SLC35E4: variants seen among roughly 807,000 people sequenced by gnomAD.
SLC35E4 encodes the protein solute carrier family 35 member E4.
In SLC35E4, 15 loss-of-function variants were observed where a neutral mutation model predicts 19.3. The observed-to-expected ratio is 0.78, with a 90% CI of 0.52 to 1.20. SLC35E4 has a LOEUF of 1.20. Among genes scored for constraint, SLC35E4 ranks in the 50% most tolerant of loss-of-function variants. The probability of loss-of-function intolerance (pLI) is 0.00; values close to 1 mark genes in which losing one functional copy is unlikely to be tolerated. For missense variants in SLC35E4, 406 were observed against 472.3 expected, an observed-to-expected ratio of 0.86 and a Z score of 1.30; for synonymous variants, 219 against 219.9, an observed-to-expected ratio of 1.00 and a Z score of 0.04.
chr22:30,646,707 T>C lies in SLC35E4; in HGVS notation c.729T>C (p.Val243=), dbSNP rs762280971. ...AGAALVLEAG[V]APPPTAGDSR... ...CAGCCCTGGTGCTGGAGGCTGGCGT[T>C]GCCCCACCGCCCACTGCTGGCGACT... The change falls in exon 2 of 2, where the codon GTT becomes GTC. Residue 243 remains valine (V), a synonymous_variant. Coordinates refer to ENST00000343605, the MANE Select transcript of SLC35E4 (RefSeq NM_001001479.4). 1.2e-6 allele frequency: 2 copies of C among 1,612,522 alleles called. No individual in the cohort carries two copies. Among genetic ancestry groups the C allele is most frequent in the African/African-American group, 2.7e-5 (2 of 74,940 alleles).
At chr22:30,663,682 C>T (rs757467853), downstream of SLC35E4, 5 of 1,614,116 alleles carry the variant, frequency 3.1e-6, no homozygotes, top group East Asian at 2.2e-5. Flanking sequence ...GAGCGGCTCA[C>T]ACCAGCAGCA....
At chr22:30,666,646 A>AAAAAAAT (rs2088682028), downstream of SLC35E4, among the ~76,000 whole-genome samples, 1 of 142,340 alleles carries the variant, frequency 7.0e-6, no homozygotes, top group Non-Finnish European at 1.6e-5. Context: ...AAAAAAAAAA[A>AAAAAAAT]GCAATCTCTA....
intron 2 of SLC35E4, among the ~76,000 whole-genome samples, chr22:30,655,248 G>C (rs1320014110): frequency 6.6e-6 from 1 of 150,428 alleles, no homozygotes; most frequent in Non-Finnish European, 1.5e-5. Context: ...TAGAGCCCAG[G>C]AGTTCCAGAC....
chr22:30,655,075 C>T (rs2088307483), intron 2 of SLC35E4, among the ~76,000 whole-genome samples: 1 of 152,040 alleles, frequency 6.6e-6, no homozygotes, highest in Non-Finnish European at 1.5e-5. Context: ...TTCTCTGCTC[C>T]CTACACTGCT....
At chr22:30,659,941 A>G (rs907506791) in intron 2 of SLC35E4, among the ~76,000 whole-genome samples, 1 of 152,248 alleles carries the variant, frequency 6.6e-6, no homozygotes, top group South Asian at 2.1e-4. Flanking sequence ...GGGCACACGT[A>G]GAAAGCACCA....
chr22:30,663,904 C>A, downstream of SLC35E4: 1 of 1,614,200 alleles, frequency 6.2e-7, no homozygotes, highest in Non-Finnish European at 8.5e-7. Context: ...TTGTTGGCGG[C>A]CACACCATTG....
Position 30,646,653 on chromosome 22 carries a change from G to T in SLC35E4, c.675G>T (p.Ser225=), listed in dbSNP as rs1246702274. 6.2e-7 allele frequency: 1 copy of T among 1,612,120 alleles called. No individual in the cohort carries two copies. ...CGGTGACCCTGCTTTACGCCACCTC[G>T]CTGCCCAGCTTCTGCCTGCTGGCGG... ...LDAVTLLYAT[S]LPSFCLLAGA... Residue 225 remains serine, a synonymous_variant, in exon 2 of 2, where the codon TCG becomes TCT. Coordinates refer to ENST00000343605, the MANE Select transcript of SLC35E4 (RefSeq NM_001001479.4).
intron 2 of SLC35E4, among the ~76,000 whole-genome samples, chr22:30,658,524 T>G (rs550995420): frequency 1.0e-3 from 152 of 152,170 alleles, no homozygotes; most frequent in African/African-American, 3.5e-3. Flanking sequence ...GTTGCCTTTT[T>G]TCTCTCTTCA....
intron 2 of SLC35E4, among the ~76,000 whole-genome samples, chr22:30,657,902 T>C (rs2088374751): frequency 8.5e-6 from 1 of 118,056 alleles, no homozygotes; most frequent in Non-Finnish European, 1.7e-5. Context: ...AGACTCTGTC[T>C]CAAAAATAAT....
chr22:30,659,011 C>T (rs947566502), intron 2 of SLC35E4, among the ~76,000 whole-genome samples: 2 of 151,256 alleles, frequency 1.3e-5, no homozygotes, highest in South Asian at 2.1e-4. Context: ...GTAGTCCCAG[C>T]TATTCGGGAG....
chr22:30,667,631 G>C (rs1055418624), downstream of SLC35E4: 1 of 152,656 alleles, frequency 6.6e-6, no homozygotes, highest in African/African-American at 2.4e-5. Flanking sequence ...GGAATAGCCT[G>C]TGCCGGGTCT....
chr22:30,642,726 T>A (rs1312221782), intron 1 of SLC35E4, among the ~76,000 whole-genome samples: 1 of 67,254 alleles, frequency 1.5e-5, no homozygotes, highest in African/African-American at 5.2e-5. Context: ...CTGGGCAACA[T>A]CTCAAAAAAA....
chr22:30,663,551 G>A (rs2088547471), downstream of SLC35E4: 7 of 1,614,238 alleles, frequency 4.3e-6, no homozygotes, highest in Non-Finnish European at 5.9e-6. Flanking sequence ...CATAGTGGAT[G>A]AGCTGCTCCC....
chr22:30,642,098 A>G (rs551346825), intron 1 of SLC35E4, among the ~76,000 whole-genome samples: 22 of 151,742 alleles, frequency 1.4e-4, no homozygotes, highest in African/African-American at 5.3e-4. Flanking sequence ...TGCGGCCTCA[A>G]TTTCCCAGGC....
intron 1 of SLC35E4, among the ~76,000 whole-genome samples, chr22:30,643,897 C>T (rs930492435): frequency 2.0e-5 from 3 of 152,140 alleles, no homozygotes; most frequent in African/African-American, 7.2e-5. Context: ...TTGGGGTCCC[C>T]AGGTAGAAGC....
chr22:30,663,036 T>G (rs2088521471), exon 3 of SLC35E4: 1 of 179,208 alleles, frequency 5.6e-6, no homozygotes, highest in Non-Finnish European at 1.2e-5. Context: ...AGAGGTACCA[T>G]GATGCTTAAG....
downstream of SLC35E4, chr22:30,663,866 G>A: frequency 6.2e-7 from 1 of 1,614,220 alleles, no homozygotes; most frequent in Middle Eastern, 1.6e-4. Flanking sequence ...TGACCATGGT[G>A]ATCTGGTTGC....
downstream of SLC35E4, among the ~76,000 whole-genome samples, chr22:30,651,158 TA>T (rs148968343): frequency 0.024 from 3,637 of 151,778 alleles, 116 homozygotes; most frequent in African/African-American, 0.081. Flanking sequence ...GAGGGCCACT[TA>T]ATGGAGGACC....
In SLC35E4 at chr22:30,646,992, G is replaced by T. The variant is rs769712873; in HGVS notation, c.1014G>T (p.Arg338=). 3 of 1,612,588 alleles carry T rather than the reference G, an allele frequency of 1.9e-6. No homozygotes were observed. The highest frequency in any genetic ancestry group is 2.5e-6 in the Non-Finnish European group (3 of 1,179,578). The change falls in exon 2 of 2, where the codon CGG becomes CGT. Residue 338 remains arginine, a synonymous_variant. Coordinates refer to ENST00000343605, the MANE Select transcript of SLC35E4 (RefSeq NM_001001479.4). ...CEFVASWAAR[R]GLWRRDQPSK... ...TCGTGGCCTCCTGGGCTGCCCGTCGGGGGCTGTGGCGGAGGGACCAGCCCA... is the reference window on the plus strand; with the variant it reads ...TCGTGGCCTCCTGGGCTGCCCGTCGTGGGCTGTGGCGGAGGGACCAGCCCA...
Sources: allele counts gnomAD v4.1 joint callset (sites outside exome capture counted in the v4.1 genomes callset), GRCh38; gene constraint gnomAD v4.1.1; transcripts MANE v1.5; gene names NCBI Gene and HGNC (gene_info 2026-07-23, HGNC 2026-07-21).